The following RORB variants were observed in gnomAD, a reference collection of about 807,000 sequenced individuals.
The protein encoded by RORB is nuclear receptor ROR-beta.
In RORB, 6 loss-of-function variants were observed where a neutral mutation model predicts 59.1. The observed-to-expected ratio is 0.10, with a 90% CI of 0.06 to 0.20. The LOEUF (loss-of-function observed/expected upper bound fraction) is 0.20. Among genes scored for constraint, RORB ranks in the 10% least tolerant of loss-of-function variants. RORB has a pLI of 1.00. For synonymous variants in RORB, 215 were observed against 204.5 expected (o/e 1.05, Z -0.44); for missense variants, 320 against 560.5 (o/e 0.57, Z 4.33).
At position 74,604,019 on chromosome 9, in the gene RORB, T is replaced by C. The variant is rs180720996; in HGVS notation, c.8-26263T>C. On this transcript the variant is annotated intron_variant, in intron 1 of 9. Transcript: ENST00000376896. ...TCAGTGCAAGCTGGTACTATGTTCT[T>C]GTATATGGAAAGGTAGCTTAAGCAC... Among the ~76,000 whole-genome samples the C allele has an allele frequency of 1.7e-3, 253 of 151,308 alleles. 2 individuals are homozygous for C. The highest frequency in any genetic ancestry group is 5.4e-3 in the African/African-American group (223 of 41,296).
intron 9 of RORB, among the ~76,000 whole-genome samples, chr9:74,674,978 A>G (rs1200975036): frequency 6.6e-6 from 1 of 152,206 alleles, no homozygotes. Flanking sequence ...TAAGCTGCCC[A>G]GTCCATAATA....
chr9:74,606,495 A>G lies in RORB; in HGVS notation c.8-23787A>G, dbSNP rs566286180. The stretch of plus-strand genomic sequence containing the variant: ...TAAGATGTCCCAGGATGAGCGAGGG[A>G]AAAGAACCGTGCACAGTTCTACCTT... On this transcript the variant is annotated intron_variant, in intron 1 of 9. Transcript: ENST00000376896. Among the ~76,000 whole-genome samples the G allele has an allele frequency of 7.8e-4, 119 of 152,332 alleles. 1 individual carries two copies. The highest frequency in any genetic ancestry group is 5.2e-3 in the South Asian group (25 of 4,820).
In RORB at chr9:74,689,466, T is replaced by C. The variant is rs1417642819; in HGVS notation, c.*3848T>C. ...AAGGTGGAGATGTTCTCCACAAACA[T>C]ACCCTTTCTGAATTTCCCTTGTTTT... On this transcript the variant is annotated 3_prime_UTR_variant, in exon 10 of 10. Coordinates refer to ENST00000376896, the MANE Select transcript of RORB (RefSeq NM_006914.4). 6.6e-6 allele frequency: 1 copy of C among 152,252 alleles called. No individual in the cohort carries two copies. Among genetic ancestry groups the C allele is most frequent in the East Asian group, 1.9e-4 (1 of 5,190 alleles). 9.4% of individuals were successfully genotyped at this position (152,252 alleles called of 1,614,324 possible). A position where few individuals can be genotyped will look rare whatever the true frequency, so the allele number is the denominator to read the frequency against.
intron 4 of RORB, among the ~76,000 whole-genome samples, chr9:74,646,955 T>C (rs1007773751): frequency 1.8e-4 from 28 of 152,194 alleles, no homozygotes; most frequent in African/African-American, 6.5e-4. Flanking sequence ...GAATGTTTTA[T>C]TCCCCTAGTT....
intron 6 of RORB, among the ~76,000 whole-genome samples, chr9:74,664,424 G>C (rs1188582811): frequency 6.6e-6 from 1 of 151,990 alleles, no homozygotes; most frequent in Non-Finnish European, 1.5e-5. Context: ...AAAAGGTAGG[G>C]TACTTAATAT....
At chr9:74,519,408 A>G (rs1034510465) in intron 1 of RORB, among the ~76,000 whole-genome samples, 1 of 152,008 alleles carries the variant, frequency 6.6e-6, no homozygotes, top group African/African-American at 2.4e-5. Flanking sequence ...ATTTACTTCC[A>G]TCACAATGGA....
At chr9:74,661,135 C>A (rs1479554626) in intron 5 of RORB, among the ~76,000 whole-genome samples, 2 of 152,156 alleles carry the variant, frequency 1.3e-5, no homozygotes, top group Non-Finnish European at 2.9e-5. Flanking sequence ...ACTTACACAG[C>A]AAATATATGG....
intron 1 of RORB, among the ~76,000 whole-genome samples, chr9:74,550,047 C>G (rs920775907): frequency 1.3e-5 from 2 of 151,946 alleles, no homozygotes; most frequent in African/African-American, 4.8e-5. Flanking sequence ...ATTTCTAATT[C>G]CCTTTCTTCT....
chr9:74,528,457 T>C (rs1463374979), intron 1 of RORB, among the ~76,000 whole-genome samples: 1 of 152,028 alleles, frequency 6.6e-6, no homozygotes, highest in Non-Finnish European at 1.5e-5. Context: ...GCAGCAGCTC[T>C]GGATGTTTGA....
At chr9:74,597,729 C>T (rs972261049) in intron 1 of RORB, among the ~76,000 whole-genome samples, 4 of 152,062 alleles carry the variant, frequency 2.6e-5, no homozygotes, top group Non-Finnish European at 4.4e-5. Context: ...GAGACCGAGG[C>T]GGGCAGATCA....
chr9:74,651,470 G>C (rs1300210270), intron 4 of RORB, among the ~76,000 whole-genome samples: 1 of 151,916 alleles, frequency 6.6e-6, no homozygotes, highest in Non-Finnish European at 1.5e-5. Context: ...GGGAGGCAGA[G>C]GTTGCAGTGA....
chr9:74,666,039 C>T (rs576071884), intron 7 of RORB, among the ~76,000 whole-genome samples: 71 of 152,296 alleles, frequency 4.7e-4, no homozygotes, highest in African/African-American at 1.7e-3. Flanking sequence ...GTAATCCCAG[C>T]ACTTTGGGAG....
At chr9:74,556,269 T>C (rs1822289280) in intron 1 of RORB, among the ~76,000 whole-genome samples, 1 of 152,178 alleles carries the variant, frequency 6.6e-6, no homozygotes, top group African/African-American at 2.4e-5. Context: ...ATTACTGAGA[T>C]ACGTTATTGT....
intron 1 of RORB, among the ~76,000 whole-genome samples, chr9:74,607,158 C>T (rs1823161476): frequency 6.6e-6 from 1 of 152,214 alleles, no homozygotes; most frequent in Admixed American, 6.5e-5. Flanking sequence ...TCACCCATGA[C>T]ACCAAATAAT....
chr9:74,538,422 A>G (rs762616912), intron 1 of RORB, among the ~76,000 whole-genome samples: 8 of 152,132 alleles, frequency 5.3e-5, no homozygotes, highest in Non-Finnish European at 7.4e-5. Flanking sequence ...TTAAAAAATT[A>G]AAGCTGAATG....
chr9:74,617,165 A>T (rs1823327422), intron 1 of RORB, among the ~76,000 whole-genome samples: 1 of 151,940 alleles, frequency 6.6e-6, no homozygotes, highest in Non-Finnish European at 1.5e-5. Flanking sequence ...TTTTGTACCA[A>T]TTCAATTTAC....
chr9:74,585,270 C>G (rs76825372), intron 1 of RORB, among the ~76,000 whole-genome samples: 17,290 of 152,220 alleles, frequency 0.11, 1,278 homozygotes, highest in Non-Finnish European at 0.15. Context: ...CCAAAGCAGG[C>G]CTTTTTATTC....
intron 1 of RORB, among the ~76,000 whole-genome samples, chr9:74,586,841 A>G (rs1275871128): frequency 2.0e-5 from 3 of 152,076 alleles, no homozygotes; most frequent in Non-Finnish European, 4.4e-5. Context: ...AAAGTTTTTA[A>G]CTTTAGTTTA....
At chr9:74,582,429 G>A (rs1048982561) in intron 1 of RORB, among the ~76,000 whole-genome samples, 1 of 152,190 alleles carries the variant, frequency 6.6e-6, no homozygotes, top group Non-Finnish European at 1.5e-5. Flanking sequence ...AGGAATGGCA[G>A]ATAAGGAATG....
Sources: allele counts gnomAD v4.1 joint callset (sites outside exome capture counted in the v4.1 genomes callset), GRCh38; gene constraint gnomAD v4.1.1; transcripts MANE v1.5; gene names NCBI Gene and HGNC (gene_info 2026-07-23, HGNC 2026-07-21).